Variants in SMCO4 observed in about 807,000 individuals in gnomAD.
The protein encoded by SMCO4 is single-pass membrane and coiled-coil domain-containing protein 4.
In SMCO4, 4 loss-of-function variants were observed where a neutral mutation model predicts 3.6. The observed-to-expected ratio is 1.11, with a 90% CI of 0.54 to 2.53. The LOEUF is 2.53. SMCO4 is among the 30% of genes most tolerant of loss of function. SMCO4 has a pLI of 0.02. For missense variants in SMCO4, 70 were observed against 80.8 expected (o/e 0.87, Z 0.51); for synonymous variants, 36 against 35.3 (o/e 1.02, Z -0.07).
At chr11:93,483,860 C>A (rs1413563376) in intron 2 of SMCO4, among the ~76,000 whole-genome samples, 1 of 152,164 alleles carries the variant, frequency 6.6e-6, no homozygotes, top group Non-Finnish European at 1.5e-5. Flanking sequence ...CTGGGTGTAC[C>A]CCACTTATCT....
intron 1 of SMCO4, among the ~76,000 whole-genome samples, chr11:93,515,712 C>T (rs1232790199): frequency 1.3e-5 from 2 of 152,214 alleles, no homozygotes; most frequent in African/African-American, 4.8e-5. Context: ...TGCAGCTTCA[C>T]GTTCCCATTT....
chr11:93,550,486 C>T, the SMCO4 span, among the ~76,000 whole-genome samples: 3 of 151,792 alleles, frequency 2.0e-5, no homozygotes, highest in African/African-American at 4.8e-5. Context: ...ATGGTGAAAC[C>T]GCATCTCTAC....
At chr11:93,505,375 ACT>A (rs1031227512) in intron 1 of SMCO4, among the ~76,000 whole-genome samples, 9 of 151,904 alleles carry the variant, frequency 5.9e-5, no homozygotes, top group African/African-American at 1.2e-4. Flanking sequence ...ACTTTCCCCA[ACT>A]CTGTTTTTTT....
At chr11:93,515,369 C>A (rs1016936732) in intron 1 of SMCO4, among the ~76,000 whole-genome samples, 3 of 152,140 alleles carry the variant, frequency 2.0e-5, no homozygotes, top group Non-Finnish European at 4.4e-5. Flanking sequence ...GCTACAGTCC[C>A]CCCAAGCTTC....
rs978160298 is a variant in SMCO4 at position 93,478,915 on chromosome 11, C to G, written c.*95G>C. 8.8e-6 allele frequency: 13 copies of G among 1,474,124 alleles called. No homozygotes were observed. Among genetic ancestry groups the G allele is most frequent in the African/African-American group, 1.4e-5 (1 of 71,386 alleles). 91.3% of individuals were successfully genotyped at this position (1,474,124 alleles called of 1,614,324 possible). On this transcript the variant is annotated 3_prime_UTR_variant, in exon 3 of 3. Coordinates refer to ENST00000298966, the MANE Select transcript of SMCO4 (RefSeq NM_020179.3). Reference sequence around the variant, plus strand: ...GGTGCTCCTGCTTACAGCTCAGCAACATGAACATCTCTGAATATGAAAGCC... The same window carrying G: ...GGTGCTCCTGCTTACAGCTCAGCAAGATGAACATCTCTGAATATGAAAGCC...
chr11:93,535,371 T>G (rs931711005), intron 1 of SMCO4: 13 of 739,530 alleles, frequency 1.8e-5, no homozygotes, highest in Non-Finnish European at 2.9e-5. Flanking sequence ...CCCACCACTC[T>G]TAACATCTAC....
intron 2 of SMCO4, among the ~76,000 whole-genome samples, chr11:93,482,714 T>C (rs1055873267): frequency 6.6e-6 from 1 of 152,186 alleles, no homozygotes; most frequent in African/African-American, 2.4e-5. Flanking sequence ...TCCTCGGGAA[T>C]ATTTGGCCAG....
At chr11:93,513,076 T>C (rs1948973464) in intron 1 of SMCO4, among the ~76,000 whole-genome samples, 1 of 152,206 alleles carries the variant, frequency 6.6e-6, no homozygotes, top group Non-Finnish European at 1.5e-5. Flanking sequence ...GACCCATCAA[T>C]AGTGAAGAAT....
chr11:93,534,218 ACACACACACACACACACACACAC>A, intron 1 of SMCO4, among the ~76,000 whole-genome samples: 1 of 382 alleles, frequency 2.6e-3, no homozygotes, highest in Non-Finnish European at 8.8e-3. Context: ...ATATATATAC[ACACACACACACACACACACACAC>A]ACACACACAC....
At chr11:93,538,424 C>T (rs1001742132) in intron 1 of SMCO4, among the ~76,000 whole-genome samples, 1 of 152,276 alleles carries the variant, frequency 6.6e-6, no homozygotes, top group African/African-American at 2.4e-5. Context: ...GCAGACAATA[C>T]CCCAGGAAGG....
At chr11:93,502,725 A>G (rs567788833) in intron 1 of SMCO4, among the ~76,000 whole-genome samples, 1 of 152,370 alleles carries the variant, frequency 6.6e-6, no homozygotes, top group South Asian at 2.1e-4. Context: ...CTACACGGCA[A>G]CATCATACCT....
At chr11:93,503,976 G>C (rs1948873984) in intron 1 of SMCO4, among the ~76,000 whole-genome samples, 1 of 152,118 alleles carries the variant, frequency 6.6e-6, no homozygotes, top group African/African-American at 2.4e-5. Flanking sequence ...TATACACAAT[G>C]ATCTTAATTA....
chr11:93,525,441 T>C (rs1271117523), intron 1 of SMCO4, among the ~76,000 whole-genome samples: 1 of 152,188 alleles, frequency 6.6e-6, no homozygotes, highest in African/African-American at 2.4e-5. Flanking sequence ...AAATTAAATT[T>C]GATTCCTTGA....
chr11:93,490,379 G>A (rs2134581044), intron 2 of SMCO4, among the ~76,000 whole-genome samples: 1 of 152,340 alleles, frequency 6.6e-6, no homozygotes, highest in South Asian at 2.1e-4. Flanking sequence ...TCCTGTAAGA[G>A]GGTCCAAAAC....
chr11:93,504,858 C>T lies in SMCO4; in HGVS notation c.-153-5510G>A, dbSNP rs146345119. On this transcript the variant is annotated intron_variant, in intron 1 of 2. Coordinates refer to ENST00000298966, the MANE Select transcript of SMCO4 (RefSeq NM_020179.3). Reference sequence around the variant, plus strand: ...CATCCAAAATGGGGCCAGGTCAGAGCAAGGGGGTGCAGGAAATGCATGTGA... The same window carrying T: ...CATCCAAAATGGGGCCAGGTCAGAGTAAGGGGGTGCAGGAAATGCATGTGA... Among the ~76,000 whole-genome samples, 186 of 152,280 alleles carry T rather than the reference C, an allele frequency of 1.2e-3. 1 individual carries two copies. The highest frequency in any genetic ancestry group is 4.2e-3 in the African/African-American group (173 of 41,568).
At chr11:93,508,840 G>T (rs1948932174) in intron 1 of SMCO4, among the ~76,000 whole-genome samples, 2 of 152,194 alleles carry the variant, frequency 1.3e-5, no homozygotes, top group South Asian at 4.1e-4. Context: ...ACCACTGGAG[G>T]TGGGAAAAGA....
intron 1 of SMCO4, among the ~76,000 whole-genome samples, chr11:93,500,814 A>G (rs1228824007): frequency 6.6e-6 from 1 of 152,186 alleles, no homozygotes; most frequent in Non-Finnish European, 1.5e-5. Flanking sequence ...GCAAGCCGTG[A>G]CCTCTACCCT....
At chr11:93,504,219 G>A (rs1376910160) in intron 1 of SMCO4, among the ~76,000 whole-genome samples, 1 of 152,116 alleles carries the variant, frequency 6.6e-6, no homozygotes, top group Non-Finnish European at 1.5e-5. Flanking sequence ...AACTCAATGG[G>A]AATTTCCCTA....
At chr11:93,502,702 A>G (rs1353038781) in intron 1 of SMCO4, among the ~76,000 whole-genome samples, 2 of 152,258 alleles carry the variant, frequency 1.3e-5, no homozygotes, top group Non-Finnish European at 2.9e-5. Context: ...ACACTAAGGA[A>G]CAAAACTTAA....
Sources: allele counts gnomAD v4.1 joint callset (sites outside exome capture counted in the v4.1 genomes callset), GRCh38; gene constraint gnomAD v4.1.1; transcripts MANE v1.5; gene names NCBI Gene and HGNC (gene_info 2026-07-23, HGNC 2026-07-21).